CERCAM: variants seen among roughly 807,000 people sequenced by gnomAD.
CERCAM encodes cerebral endothelial cell adhesion molecule.
A neutral mutation model predicts 66.0 loss-of-function variants in CERCAM; 59 were observed. That is an observed-to-expected ratio of 0.89 (90% CI 0.73 to 1.11). The LOEUF (loss-of-function observed/expected upper bound fraction) is 1.11. CERCAM is among the 50% of genes most tolerant of loss of function. The pLI, the probability that CERCAM is intolerant of heterozygous loss-of-function variation, is 0.00. For synonymous variants in CERCAM, 318 were observed against 343.6 expected (o/e 0.93, Z 0.83); for missense variants, 840 against 828.3 (o/e 1.01, Z -0.17).
chr9:128,433,258 G>A (rs1359676150), intron 9 of CERCAM, among the ~76,000 whole-genome samples: 13 of 134,986 alleles, frequency 9.6e-5, no homozygotes, highest in Admixed American at 9.3e-4. Flanking sequence ...CAGCCCGGGC[G>A]ACAGAGCAAA....
chr9:128,430,967 C>A (rs1351005043), intron 8 of CERCAM: 4 of 570,274 alleles, frequency 7.0e-6, no homozygotes, highest in Non-Finnish European at 1.2e-5. Flanking sequence ...TGAGATGGTG[C>A]CACTGCACTC....
Position 128,421,067 on chromosome 9 carries a change from G to GC in CERCAM, c.193dup (p.Leu65ProfsTer26). ...GCTGGACTACCCCCGGGCCAGGATG[G>GC]CCCTCTGGTGAGAGACCCGGGCATT... On this transcript the variant is annotated frameshift_variant, in exon 1 of 13. Transcript: ENST00000372838. LOFTEE classifies it high-confidence loss of function. The GC allele has an allele frequency of 1.5e-6, 2 of 1,316,036 alleles. No homozygotes were observed. The highest frequency in any genetic ancestry group is 1.9e-6 in the Non-Finnish European group (2 of 1,030,122). The allele number at this position is 1,316,036 out of a possible 1,614,324, so 81.5% of individuals were successfully genotyped here. A position where few individuals can be genotyped will look rare whatever the true frequency, so the allele number is the denominator to read the frequency against.
In CERCAM at chr9:128,421,078, A is replaced by G; in HGVS notation, c.197+4A>G. The stretch of plus-strand genomic sequence containing the variant: ...CCCGGGCCAGGATGGCCCTCTGGTG[A>G]GAGACCCGGGCATTGGCACCGAGTG... On this transcript the variant is annotated splice_donor_region_variant and intron_variant, in intron 1 of 12. Coordinates refer to ENST00000372838, the MANE Select transcript of CERCAM (RefSeq NM_016174.5). The G allele has an allele frequency of 7.7e-7, 1 of 1,298,186 alleles. No individual in the cohort carries two copies. Among genetic ancestry groups the G allele is most frequent in the Non-Finnish European group, 9.8e-7 (1 of 1,020,272 alleles). 80.4% of individuals were successfully genotyped at this position (1,298,186 alleles called of 1,614,324 possible).
At chr9:128,420,031 C>T (rs1833671312), upstream of CERCAM, among the ~76,000 whole-genome samples, 1 of 152,132 alleles carries the variant, frequency 6.6e-6, no homozygotes, top group East Asian at 1.9e-4. The surrounding 1 kb of genome is among the most constrained non-coding windows in gnomAD (Gnocchi z 5.0). Flanking sequence ...CCACGACGCC[C>T]GGCTAATTTT....
intron 5 of CERCAM, among the ~76,000 whole-genome samples, chr9:128,424,942 A>G (rs1833806692): frequency 6.6e-6 from 1 of 151,244 alleles, no homozygotes; most frequent in African/African-American, 2.4e-5. Flanking sequence ...GGCTGGTCTC[A>G]AAACTCCTGA....
Position 128,434,534 on chromosome 9 carries a change from A to T in CERCAM, c.1456A>T (p.Lys486Ter). 6.2e-7 allele frequency: 1 copy of T among 1,612,676 alleles called. No individual in the cohort carries two copies. The highest frequency in any genetic ancestry group is 8.5e-7 in the Non-Finnish European group (1 of 1,179,952). ...AYALRLAGARKLLASQPLRRM... is the reference protein window; with the variant it reads ...AYALRLAGAR ...TGCCCTGCGTCTGGCGGGTGCCCGC[A>T]AGCTGCTGGCCTCACAGCCTCTGCG... Residue 486 changes from lysine (K) to a stop codon, truncating the protein, a stop_gained, in exon 11 of 13, where the codon AAG (lysine) becomes TAG (stop). Coordinates refer to ENST00000372838, the MANE Select transcript of CERCAM (RefSeq NM_016174.5). LOFTEE classifies it high-confidence loss of function. The surrounding 1 kb of genome is among the most constrained non-coding windows in gnomAD (Gnocchi z 4.5).
intron 11 of CERCAM, among the ~76,000 whole-genome samples, 172 bp from the exon 12 acceptor site, chr9:128,435,481 C>T (rs1834086418): frequency 6.6e-6 from 1 of 152,188 alleles, no homozygotes; most frequent in African/African-American, 2.4e-5. Context: ...GCCTCTGTTT[C>T]CTCATCTGGA....
At chr9:128,429,539 C>T (rs1833926643) in intron 8 of CERCAM, among the ~76,000 whole-genome samples, 1 of 152,218 alleles carries the variant, frequency 6.6e-6, no homozygotes, top group African/African-American at 2.4e-5. Context: ...CTAGGCTTCT[C>T]CAGCCACCAG....
chr9:128,426,637 C>T (rs1312355657), intron 5 of CERCAM, among the ~76,000 whole-genome samples: 1 of 150,460 alleles, frequency 6.6e-6, no homozygotes, highest in African/African-American at 2.5e-5. Flanking sequence ...AAAAAAAATC[C>T]AGTCCTGAGG....
chr9:128,421,849 C>G (rs536008665), intron 1 of CERCAM: 1 of 152,284 alleles, frequency 6.6e-6, no homozygotes, highest in African/African-American at 2.4e-5. Context: ...GGGGAGGCCG[C>G]CCACAATTAC....
At chr9:128,424,338 G>T in intron 4 of CERCAM, 66 bp downstream of exon 4, 1 of 1,612,142 alleles carries the variant, frequency 6.2e-7, no homozygotes, top group Non-Finnish European at 8.5e-7. Context: ...AGAGCAGAGA[G>T]CCTGAGGCCT....
intron 9 of CERCAM, among the ~76,000 whole-genome samples, chr9:128,433,322 G>T (rs1321835400): frequency 6.6e-6 from 1 of 151,448 alleles, no homozygotes; most frequent in Admixed American, 6.6e-5. Flanking sequence ...GTGGTGGTGG[G>T]CACCTGTAAT....
intron 9 of CERCAM, among the ~76,000 whole-genome samples, chr9:128,433,149 G>A (rs1302360107): frequency 1.3e-5 from 2 of 151,900 alleles, no homozygotes; most frequent in African/African-American, 2.4e-5. Flanking sequence ...GCGTGGTGGC[G>A]GCGCCTGTAG....
chr9:128,433,920 T>C (rs117694866), intron 9 of CERCAM, among the ~76,000 whole-genome samples, 182 bp from the exon 10 acceptor site: 2,293 of 152,334 alleles, frequency 0.015, 22 homozygotes, highest in Non-Finnish European at 0.026. Context: ...CTGGAGATCC[T>C]CAAATGCCAG....
intron 8 of CERCAM, among the ~76,000 whole-genome samples, chr9:128,430,238 C>T (rs1408750676): frequency 6.6e-6 from 1 of 152,050 alleles, no homozygotes; most frequent in African/African-American, 2.4e-5. Flanking sequence ...CCCCTCTCTA[C>T]TAAAAGTACA....
rs894506965 is a variant in CERCAM at position 128,422,659 on chromosome 9, A to T, written c.198-209A>T. Reference sequence around the variant, plus strand: ...GGGAGGACGTGAAGCCCAGAGAAAGATGGGACTTGCCTGAGGTCACACAGC... The same window carrying T: ...GGGAGGACGTGAAGCCCAGAGAAAGTTGGGACTTGCCTGAGGTCACACAGC... On this transcript the variant is annotated intron_variant, in intron 1 of 12. Coordinates refer to ENST00000372838, the MANE Select transcript of CERCAM (RefSeq NM_016174.5). 3 of 553,060 alleles carry T rather than the reference A, an allele frequency of 5.4e-6. No homozygotes were observed. In the African/African-American group the frequency reaches 5.6e-5, roughly 10 times the overall value. 34.3% of individuals were successfully genotyped at this position (553,060 alleles called of 1,614,324 possible). A position where few individuals can be genotyped will look rare whatever the true frequency, so the allele number is the denominator to read the frequency against.
rs200448455 is a variant in CERCAM, at chr9:128,428,470, C to T, written c.886+49C>T. 167 of 1,605,422 alleles carry T rather than the reference C, an allele frequency of 1.0e-4. 1 individual carries two copies. Among genetic ancestry groups the T allele is most frequent in the Admixed American group, 1.7e-5 (1 of 59,090 alleles). ...CCCACCTGCTGCCGGGGCTCCCTGC[C>T]TCCCCACGGTGCCCCTTTCCCTAGG... On this transcript the variant is annotated intron_variant, in intron 6 of 12. Coordinates refer to ENST00000372838, the MANE Select transcript of CERCAM (RefSeq NM_016174.5).
chr9:128,427,896 C>T (rs1016041923), intron 5 of CERCAM: 14 of 158,084 alleles, frequency 8.9e-5, no homozygotes, highest in African/African-American at 3.4e-4. Context: ...AGGCGATGGC[C>T]CTTGGATCCA....
chr9:128,420,681 G>C, upstream of CERCAM: 1 of 235,710 alleles, frequency 4.2e-6, no homozygotes, highest in Non-Finnish European at 8.1e-6. The surrounding 1 kb of genome is among the most constrained non-coding windows in gnomAD (Gnocchi z 5.0). Flanking sequence ...CCGGGCCCTG[G>C]CCCTCCGGTG....
Sources: allele counts gnomAD v4.1 joint callset (sites outside exome capture counted in the v4.1 genomes callset), GRCh38; gene constraint gnomAD v4.1.1; non-coding constraint Gnocchi (gnomAD v3.1); transcripts MANE v1.5; gene names NCBI Gene and HGNC (gene_info 2026-07-23, HGNC 2026-07-21).